RABGAP1L: variants seen among roughly 807,000 people sequenced by gnomAD.
RABGAP1L encodes rab GTPase-activating protein 1-like.
In RABGAP1L, 63 loss-of-function variants were observed where a neutral mutation model predicts 137.7. That is an observed-to-expected ratio of 0.46 (90% CI 0.37 to 0.56). RABGAP1L has a LOEUF of 0.56. Ranked by LOEUF, RABGAP1L falls within the 20% of genes least tolerant of loss-of-function variation. The probability of loss-of-function intolerance (pLI) is 0.00; values close to 1 mark genes in which losing one functional copy is unlikely to be tolerated. For missense variants in RABGAP1L, 1,095 were observed against 1,244.0 expected (o/e 0.88, Z 1.80); for synonymous variants, 431 against 433.7 (o/e 0.99, Z 0.08).
chr1:174,750,621 G>C (rs1033716888), intron 17 of RABGAP1L, among the ~76,000 whole-genome samples: 3 of 152,144 alleles, frequency 2.0e-5, no homozygotes, highest in Non-Finnish European at 2.9e-5. Context: ...GTTTCCAAAG[G>C]CTACCATGAA....
At chr1:174,557,996 T>C (rs1666987194) in intron 13 of RABGAP1L, among the ~76,000 whole-genome samples, 1 of 152,212 alleles carries the variant, frequency 6.6e-6, no homozygotes, top group East Asian at 1.9e-4. Context: ...TTTTAACTAT[T>C]CCCAATTTAA....
intron 18 of RABGAP1L, among the ~76,000 whole-genome samples, chr1:174,792,062 T>C (rs1456421790): frequency 6.6e-6 from 1 of 152,246 alleles, no homozygotes; most frequent in Non-Finnish European, 1.5e-5. Flanking sequence ...CAGATTACAG[T>C]GCAGGAAATG....
chr1:174,864,192 TC>T lies in RABGAP1L; in HGVS notation c.2340+52233del, dbSNP rs566564113. On this transcript the variant is annotated intron_variant, in intron 19 of 25. Transcript: ENST00000681986. Reference sequence around the variant, plus strand: ...AGAAGCTCATCTGAGCTAAGGGTTTTCTAAGGTTTGAGGGTATGAGTGGTGC... The same window carrying T: ...AGAAGCTCATCTGAGCTAAGGGTTTTTAAGGTTTGAGGGTATGAGTGGTGC... Among the ~76,000 whole-genome samples, 160 of 152,284 alleles carry T rather than the reference TC, an allele frequency of 1.1e-3. 1 individual carries two copies. Among genetic ancestry groups the T allele is most frequent in the Admixed American group, 0.01 (158 of 15,298 alleles).
intron 17 of RABGAP1L, among the ~76,000 whole-genome samples, chr1:174,704,619 C>G (rs1170983928): frequency 6.6e-6 from 1 of 152,148 alleles, no homozygotes; most frequent in African/African-American, 2.4e-5. Flanking sequence ...GCTAGAGAAT[C>G]TGATTTATAA....
chr1:174,399,536 C>T (rs908972882), intron 13 of RABGAP1L, among the ~76,000 whole-genome samples: 1 of 152,094 alleles, frequency 6.6e-6, no homozygotes, highest in Non-Finnish European at 1.5e-5. Flanking sequence ...TATAAAAACC[C>T]TACCAGAGGC....
intron 13 of RABGAP1L, among the ~76,000 whole-genome samples, chr1:174,437,985 G>A (rs1477666192): frequency 6.6e-6 from 1 of 152,144 alleles, no homozygotes; most frequent in Non-Finnish European, 1.5e-5. Context: ...CATAAGTGAA[G>A]GAGAAATAAA....
intron 4 of RABGAP1L, among the ~76,000 whole-genome samples, chr1:174,239,666 A>G (rs1325451474): frequency 6.6e-6 from 1 of 152,056 alleles, no homozygotes; most frequent in Non-Finnish European, 1.5e-5. Context: ...GCTTGTGAGA[A>G]TAGTTTCTTT....
At chr1:174,822,758 C>T (rs573117036) in intron 19 of RABGAP1L, among the ~76,000 whole-genome samples, 4 of 152,334 alleles carry the variant, frequency 2.6e-5, no homozygotes, top group African/African-American at 9.6e-5. Flanking sequence ...GCACCTCTTT[C>T]TGTGTGGCCC....
intron 14 of RABGAP1L, among the ~76,000 whole-genome samples, chr1:174,675,334 A>C (rs1198978726): frequency 1.3e-5 from 2 of 151,814 alleles, no homozygotes; most frequent in South Asian, 2.1e-4. Context: ...AGCACCATTT[A>C]TTAAATAGGG....
intron 13 of RABGAP1L, among the ~76,000 whole-genome samples, chr1:174,522,024 A>G (rs1411279653): frequency 6.6e-6 from 1 of 152,052 alleles, no homozygotes; most frequent in Non-Finnish European, 1.5e-5. Flanking sequence ...GGTTGCAGTT[A>G]GCTGAGATGG....
chr1:174,755,751 G>A (rs1414659466), intron 18 of RABGAP1L, among the ~76,000 whole-genome samples: 1 of 151,540 alleles, frequency 6.6e-6, no homozygotes, highest in Admixed American at 6.6e-5. Flanking sequence ...GAGATAAGAT[G>A]GGAAAGTGGG....
chr1:174,349,501 G>A (rs1682844435), intron 11 of RABGAP1L, among the ~76,000 whole-genome samples: 1 of 130,094 alleles, frequency 7.7e-6, no homozygotes, highest in Non-Finnish European at 1.7e-5. Flanking sequence ...TGGCCGGGCA[G>A]AGGGGCTCCT....
At chr1:174,286,471 T>C (rs977035791) in intron 10 of RABGAP1L, among the ~76,000 whole-genome samples, 1 of 152,072 alleles carries the variant, frequency 6.6e-6, no homozygotes, top group Non-Finnish European at 1.5e-5. Flanking sequence ...TCTTGGCTAT[T>C]CTAGTTAAAG....
intron 19 of RABGAP1L, among the ~76,000 whole-genome samples, chr1:174,878,286 G>C (rs1355756796): frequency 6.6e-6 from 1 of 152,114 alleles, no homozygotes; most frequent in African/African-American, 2.4e-5. Context: ...GAGTGCAATG[G>C]CATGTTCTTG....
chr1:174,715,088 A>T (rs1224571221), intron 17 of RABGAP1L, among the ~76,000 whole-genome samples: 1 of 152,160 alleles, frequency 6.6e-6, no homozygotes, highest in Non-Finnish European at 1.5e-5. Context: ...AATCATTTTC[A>T]TAGTATACAT....
chr1:174,189,892 CTG>C (rs1192799892), intron 1 of RABGAP1L, among the ~76,000 whole-genome samples: 2 of 152,144 alleles, frequency 1.3e-5, no homozygotes, highest in East Asian at 3.9e-4. Context: ...GAATGAGACT[CTG>C]TCTCCAAACA....
In RABGAP1L at chr1:174,742,474, G is replaced by A. The variant is rs193193961; in HGVS notation, c.2170-9839G>A. 5.3e-3 allele frequency among the ~76,000 whole-genome samples: 809 copies of A among 152,120 alleles called. 3 individuals are homozygous for A. The highest frequency in any genetic ancestry group is 9.4e-3 in the Non-Finnish European group (641 of 67,966). On this transcript the variant is annotated intron_variant, in intron 17 of 25. Transcript: ENST00000681986. Reference sequence around the variant, plus strand: ...GGAGGTTGCAGTGAGCTGAGATCGCGCCACTGCACTCCAGCCTAAGCGACA... The same window carrying A: ...GGAGGTTGCAGTGAGCTGAGATCGCACCACTGCACTCCAGCCTAAGCGACA...
chr1:174,614,142 C>T (rs1450758104), intron 13 of RABGAP1L, among the ~76,000 whole-genome samples: 3 of 152,160 alleles, frequency 2.0e-5, no homozygotes, highest in Non-Finnish European at 2.9e-5. Context: ...GATGCAGTTT[C>T]TTCCTAGCCT....
intron 13 of RABGAP1L, among the ~76,000 whole-genome samples, chr1:174,584,631 T>A (rs1198496595): frequency 1.3e-5 from 2 of 152,190 alleles, no homozygotes; most frequent in African/African-American, 4.8e-5. Flanking sequence ...TATATCATTC[T>A]TGGTGATGGG....
Sources: gnomAD v4.1 joint callset for allele counts (sites outside exome capture counted in the v4.1 genomes callset) on GRCh38, gnomAD v4.1.1 for gene constraint, MANE v1.5 for transcripts, NCBI Gene and HGNC (gene_info 2026-07-23, HGNC 2026-07-21) for gene names.